PHF20: variants seen among roughly 807,000 people sequenced by gnomAD.
PHF20 encodes PHD finger protein 20, also known as glioma-expressed antigen 2.
PHF20 carries 23 observed loss-of-function variants against 113.5 expected under a neutral mutation model. That is an observed-to-expected ratio of 0.20 (90% CI 0.15 to 0.29). The LOEUF (loss-of-function observed/expected upper bound fraction) is 0.29, where lower values mean the gene tolerates loss of function less well. PHF20 is among the 10% of genes least tolerant of loss of function. The probability of loss-of-function intolerance (pLI) is 1.00; values close to 1 mark genes in which losing one functional copy is unlikely to be tolerated. For synonymous variants in PHF20, 434 were observed against 457.3 expected, an observed-to-expected ratio of 0.95 and a Z score of 0.65; for missense variants, 943 against 1,219.6, an observed-to-expected ratio of 0.77 and a Z score of 3.38.
intron 1 of PHF20, among the ~76,000 whole-genome samples, chr20:35,799,741 C>T (rs887391957): frequency 1.3e-5 from 2 of 151,900 alleles, no homozygotes; most frequent in African/African-American, 4.8e-5. Flanking sequence ...GATCTCGGCT[C>T]ACTGCAACCT....
chr20:35,887,199 T>C (rs1483233664), intron 9 of PHF20, among the ~76,000 whole-genome samples: 1 of 152,202 alleles, frequency 6.6e-6, no homozygotes, highest in Non-Finnish European at 1.5e-5. Flanking sequence ...AAAACATTAC[T>C]CAAGTATATA....
intron 2 of PHF20, among the ~76,000 whole-genome samples, chr20:35,805,817 G>T (rs977110875): frequency 6.6e-6 from 1 of 151,706 alleles, no homozygotes; most frequent in African/African-American, 2.4e-5. Flanking sequence ...TTATGAAGTA[G>T]TATTTAACCT....
At chr20:35,808,884 T>C (rs1600762336) in intron 2 of PHF20, among the ~76,000 whole-genome samples, 1 of 152,054 alleles carries the variant, frequency 6.6e-6, no homozygotes, top group South Asian at 2.1e-4. Flanking sequence ...AATTTTTTTT[T>C]TTCTTAACCG....
At chr20:35,845,753 A>T (rs1386108616) in intron 3 of PHF20, among the ~76,000 whole-genome samples, 4 of 146,814 alleles carry the variant, frequency 2.7e-5, no homozygotes, top group Non-Finnish European at 6.0e-5. Flanking sequence ...TCTGACTCAG[A>T]CTCAGCCCTG....
intron 2 of PHF20, among the ~76,000 whole-genome samples, chr20:35,805,374 TA>T (rs1311681094): frequency 1.4e-5 from 2 of 146,718 alleles, no homozygotes; most frequent in Non-Finnish European, 3.0e-5. Flanking sequence ...TTATTATTAT[TA>T]TTATTATTAT....
chr20:35,909,849 G>A (rs1427289547), intron 10 of PHF20, among the ~76,000 whole-genome samples: 1 of 152,184 alleles, frequency 6.6e-6, no homozygotes, highest in Non-Finnish European at 1.5e-5. Flanking sequence ...GGGTTGCAGA[G>A]GAGACATGGT....
At chr20:35,874,370 C>T (rs550918646) in intron 9 of PHF20, among the ~76,000 whole-genome samples, 1 of 152,350 alleles carries the variant, frequency 6.6e-6, no homozygotes, top group South Asian at 2.1e-4. Context: ...CATATTTACA[C>T]ATGCCTATTT....
At chr20:35,817,069 C>T (rs532291212) in intron 2 of PHF20, among the ~76,000 whole-genome samples, 3 of 151,768 alleles carry the variant, frequency 2.0e-5, no homozygotes, top group Admixed American at 6.6e-5. Context: ...GGATTACAGA[C>T]GTGAGCCACT....
intron 1 of PHF20, among the ~76,000 whole-genome samples, chr20:35,791,539 A>ATG (rs752691046): frequency 8.7e-6 from 1 of 115,100 alleles, no homozygotes; most frequent in Non-Finnish European, 1.7e-5. Flanking sequence ...AGAATAGTGT[A>ATG]TATATATATA....
chr20:35,856,207 A>G (rs1319362540), intron 4 of PHF20: 1 of 152,082 alleles, frequency 6.6e-6, no homozygotes, highest in Non-Finnish European at 1.5e-5. Context: ...GAGAACATCA[A>G]AGTTTGTCTA....
At chr20:35,843,352 T>C (rs1179812176) in intron 3 of PHF20, among the ~76,000 whole-genome samples, 1 of 150,958 alleles carries the variant, frequency 6.6e-6, no homozygotes, top group Non-Finnish European at 1.5e-5. Flanking sequence ...ACCCCACCTC[T>C]ACTAAAAATA....
chr20:35,932,354 C>G (rs2147116134), intron 15 of PHF20, among the ~76,000 whole-genome samples: 1 of 151,090 alleles, frequency 6.6e-6, no homozygotes, highest in South Asian at 2.1e-4. Flanking sequence ...CAGGCACGAG[C>G]CACTGTACCT....
rs578201740 is a variant in PHF20, at chr20:35,875,523, C to T, written c.1282+3694C>T. ...TTGTGCTTCAGCCTCGAGGGCTTGT[C>T]GGGGCAAGGGATCTTCCTTTTTTTG... On this transcript the variant is annotated intron_variant, in intron 9 of 17. Transcript: ENST00000374012. 1.4e-3 allele frequency among the ~76,000 whole-genome samples: 218 copies of T among 152,216 alleles called. No individual in the cohort carries two copies. The South Asian group carries it at 0.025, about 17-fold the overall frequency.
chr20:35,792,348 CGGCTAATTTTTT>C (rs111895004), intron 1 of PHF20, among the ~76,000 whole-genome samples: 7,249 of 151,964 alleles, frequency 0.048, 218 homozygotes, highest in African/African-American at 0.088. Flanking sequence ...CCACCACGCC[CGGCTAATTTTTT>C]GTATTTTTAG....
At chr20:35,923,472 TAAAC>T (rs1396350316) in intron 13 of PHF20, among the ~76,000 whole-genome samples, 1 of 152,154 alleles carries the variant, frequency 6.6e-6, no homozygotes, top group Non-Finnish European at 1.5e-5. Flanking sequence ...AATAAAAATT[TAAAC>T]AAAGAAGCCC....
chr20:35,894,776 G>A (rs1162959597), intron 9 of PHF20, among the ~76,000 whole-genome samples: 2 of 152,188 alleles, frequency 1.3e-5, no homozygotes, highest in African/African-American at 4.8e-5. Flanking sequence ...GAAATAGGCT[G>A]TCCAGCTGCA....
intron 9 of PHF20, among the ~76,000 whole-genome samples, chr20:35,875,654 C>T (rs1432848212): frequency 6.6e-6 from 1 of 152,084 alleles, no homozygotes; most frequent in African/African-American, 2.4e-5. Context: ...AATTTAATCT[C>T]GGAATTTAGT....
intron 1 of PHF20, chr20:35,774,918 T>C (rs1400601477): frequency 1.3e-5 from 2 of 152,214 alleles, no homozygotes; most frequent in Non-Finnish European, 2.9e-5. Flanking sequence ...ATGAAAGCCC[T>C]AGAACTAAGT....
At chr20:35,901,413 TAAA>T (rs34044539) in intron 10 of PHF20, among the ~76,000 whole-genome samples, 16 of 103,028 alleles carry the variant, frequency 1.6e-4, no homozygotes, top group African/African-American at 4.4e-4. Context: ...AAACTCTGTC[TAAA>T]AAAAAAAAAA....
Sources: allele counts gnomAD v4.1 joint callset (sites outside exome capture counted in the v4.1 genomes callset), GRCh38; gene constraint gnomAD v4.1.1; transcripts MANE v1.5; gene names NCBI Gene and HGNC (gene_info 2026-07-23, HGNC 2026-07-21).